Variants in METTL13 observed in about 807,000 individuals in gnomAD.
The protein encoded by METTL13 is methyltransferase 13, eEF1A N-terminus and K55.
In METTL13, 52 loss-of-function variants were observed where a neutral mutation model predicts 67.4. The ratio of observed to expected loss-of-function variants is 0.77; its 90% confidence interval spans 0.62 to 0.97. The LOEUF (loss-of-function observed/expected upper bound fraction) is 0.97, where lower values mean the gene tolerates loss of function less well. Among genes scored for constraint, METTL13 ranks in the 50% least tolerant of loss-of-function variants. The pLI, the probability that METTL13 is intolerant of heterozygous loss-of-function variation, is 0.00. For synonymous variants in METTL13, 354 were observed against 353.6 expected (o/e 1.00, Z -0.01); for missense variants, 825 against 889.6 (o/e 0.93, Z 0.92).
intron 6 of METTL13, 98 bp downstream of exon 6, chr1:171,792,333 C>A: frequency 1.5e-6 from 2 of 1,334,424 alleles, no homozygotes; most frequent in Non-Finnish European, 2.1e-6. Context: ...AAGAGAGTGG[C>A]ATGAGTATCG....
intron 7 of METTL13, among the ~76,000 whole-genome samples, chr1:171,795,943 A>G (rs1158669142): frequency 1.3e-5 from 2 of 152,154 alleles, no homozygotes; most frequent in Non-Finnish European, 2.9e-5. Flanking sequence ...CCTGGGTTCA[A>G]GAGATTCTCC....
At chr1:171,782,251 A>T (rs566225175) in intron 1 of METTL13, 131 bp downstream of exon 1, 1 of 793,438 alleles carries the variant, frequency 1.3e-6, no homozygotes, top group East Asian at 2.5e-5. Flanking sequence ...CATTTCCTGC[A>T]TTGTTCCTGC....
At chr1:171,790,255 GAGATTTGTAGGGGACAAACATCC>G (rs1278313622) in intron 4 of METTL13, among the ~76,000 whole-genome samples, 174 bp from the exon 5 acceptor site, 1 of 152,184 alleles carries the variant, frequency 6.6e-6, no homozygotes, top group Non-Finnish European at 1.5e-5. Flanking sequence ...ATTTCAACGT[GAGATTTGTAGGGGACAAACATCC>G]AGATGATTTC....
In METTL13 at chr1:171,787,929, A is replaced by C. The variant is rs776191727; in HGVS notation, c.1308A>C (p.Lys436Asn). 2.5e-6 allele frequency: 4 copies of C among 1,613,130 alleles called. No homozygotes were observed. The East Asian group carries it at 8.9e-5, about 36-fold the overall frequency. ...GGTTGCTGAAGGATGTGTCTCACAA[A>C]GGTGAGGTGTCATAGGCACAGTGGT... ...EARLLKDVSH[K>N]AQKKRKKDRK... The change falls in exon 4 of 8, where the codon AAA becomes AAC. Residue 436 changes from lysine to asparagine, a missense_variant and splice_region_variant. By Grantham distance (94) the Lys-to-Asn change is moderately conservative. Transcript: ENST00000361735.
In METTL13 at chr1:171,790,534, TG is replaced by T. The variant is rs1438764236; in HGVS notation, c.1393del (p.Asp465IlefsTer13). ...DLPAAPGQSI[D>X]KSYLCCEHHK... ...TCCCTGCAGCCCCGGGGCAGTCCAT[TG>T]ATAAGAGTTACCTGTGTTGTGAACA... On this transcript the variant is annotated frameshift_variant, in exon 5 of 8. Transcript: ENST00000361735. LOFTEE classifies it high-confidence loss of function. 1 of 1,612,656 alleles carries T rather than the reference TG, an allele frequency of 6.2e-7. No individual in the cohort carries two copies. Among genetic ancestry groups the T allele is most frequent in the Non-Finnish European group, 8.5e-7 (1 of 1,179,722 alleles).
chr1:171,783,502 CAA>C (rs1379986031), intron 1 of METTL13, among the ~76,000 whole-genome samples: 2 of 152,224 alleles, frequency 1.3e-5, no homozygotes. Context: ...TTCTGCAACA[CAA>C]AGCCCATTCT....
rs745312047 is a variant in METTL13, at chr1:171,787,935, G to T, written c.1309+5G>T. On this transcript the variant is annotated splice_donor_5th_base_variant and intron_variant, in intron 4 of 7. Transcript: ENST00000361735. Reference sequence around the variant, plus strand: ...TGAAGGATGTGTCTCACAAAGGTGAGGTGTCATAGGCACAGTGGTGGGACC... The same window carrying T: ...TGAAGGATGTGTCTCACAAAGGTGATGTGTCATAGGCACAGTGGTGGGACC... The T allele has an allele frequency of 6.2e-7, 1 of 1,612,804 alleles. No individual in the cohort carries two copies. The highest frequency in any genetic ancestry group is 1.7e-5 in the Admixed American group (1 of 60,008).
chr1:171,790,707 G>T, intron 5 of METTL13, 91 bp downstream of exon 5: 1 of 1,253,248 alleles, frequency 8.0e-7, no homozygotes, highest in Non-Finnish European at 1.1e-6. Context: ...TTGAAGAACA[G>T]CAATTACAAG....
Position 171,784,344 on chromosome 1 carries a change from C to A in METTL13, c.758C>A (p.Ala253Asp). 1 of 1,585,074 alleles carries A rather than the reference C, an allele frequency of 6.3e-7. No homozygotes were observed. The highest frequency in any genetic ancestry group is 1.2e-5 in the South Asian group (1 of 85,902). The change falls in exon 2 of 8, where the codon GCC (alanine) becomes GAC (aspartate). Residue 253 changes from alanine to aspartate, a missense_variant. Transcript: ENST00000361735. The part of the protein sequence containing the change: ...AEAVQERQQY[A>D]WLCSQLRRKA... ...GCGGTGCAGGAGCGACAGCAGTATG[C>A]CTGGCTGTGCAGCCAGCTGCGCCGC...
chr1:171,785,296 C>G (rs12034454), intron 2 of METTL13, among the ~76,000 whole-genome samples: 1 of 151,942 alleles, frequency 6.6e-6, no homozygotes, highest in Non-Finnish European at 1.5e-5. Flanking sequence ...CTTGGTGTTA[C>G]GGTAATTTGT....
chr1:171,782,214 A>C (rs781404232), intron 1 of METTL13, 94 bp downstream of exon 1: 7 of 1,082,292 alleles, frequency 6.5e-6, no homozygotes, highest in Non-Finnish European at 9.8e-6. Flanking sequence ...GACAGGCGGG[A>C]GGACCCTAGT....
At chr1:171,790,327 A>T in intron 4 of METTL13, 125 bp from the exon 5 acceptor site, 1 of 1,040,066 alleles carries the variant, frequency 9.6e-7, no homozygotes, top group Non-Finnish European at 1.3e-6. Flanking sequence ...GATGTCAACC[A>T]GTTTGCAAAA....
chr1:171,790,710 A>G (rs1571169192), intron 5 of METTL13, 94 bp downstream of exon 5: 2 of 1,266,646 alleles, frequency 1.6e-6, no homozygotes, highest in East Asian at 2.7e-5. Context: ...AAGAACAGCA[A>G]TTACAAGCTG....
At chr1:171,794,677 A>G in intron 7 of METTL13, 150 bp downstream of exon 7, 1 of 1,140,282 alleles carries the variant, frequency 8.8e-7, no homozygotes, top group Non-Finnish European at 1.2e-6. Context: ...GAAAATTTCC[A>G]GCTTGCCAGA....
In METTL13 at chr1:171,784,411, G is replaced by C; in HGVS notation, c.825G>C (p.Gly275=). ...GTGTGTCTCTGGACTTGTGCGATGGGGACACGGGGGAGCCACGCTACACCC... is the reference window on the plus strand; with the variant it reads ...GTGTGTCTCTGGACTTGTGCGATGGCGACACGGGGGAGCCACGCTACACCC... ...LGSVSLDLCD[G]DTGEPRYTLH... The change falls in exon 2 of 8, where the codon GGG becomes GGC. Residue 275 remains glycine (G), a synonymous_variant. Coordinates refer to ENST00000361735, the MANE Select transcript of METTL13 (RefSeq NM_015935.5). 1 of 1,543,654 alleles carries C rather than the reference G, an allele frequency of 6.5e-7. No individual in the cohort carries two copies. Among genetic ancestry groups the C allele is most frequent in the Non-Finnish European group, 8.7e-7 (1 of 1,146,732 alleles).
rs762043608 is a variant in METTL13 at position 171,792,118 on chromosome 1, G to A, written c.1576G>A (p.Asp526Asn). ...PKSCIDAVEI[D>N]PSMLEVATQW... ...GTCCTGCATTGATGCTGTGGAGATC[G>A]ATCCCTCCATGTTGGAAGTGGCCAC... Residue 526 changes from aspartate (D) to asparagine (N), a missense_variant, in exon 6 of 8, where the codon GAT (aspartate) becomes AAT (asparagine). Transcript: ENST00000361735. 1.3e-5 allele frequency: 21 copies of A among 1,613,890 alleles called. No homozygotes were observed. The highest frequency in any genetic ancestry group is 1.6e-5 in the Non-Finnish European group (19 of 1,179,978).
rs1338341746 is a variant in METTL13 at position 171,792,080 on chromosome 1, A to T, written c.1538A>T (p.Asp513Val). Residue 513 changes from aspartate to valine, a missense_variant, in exon 6 of 8, where the codon GAT becomes GTT. Asp to Val is a radical substitution (Grantham distance 152). Coordinates refer to ENST00000361735, the MANE Select transcript of METTL13 (RefSeq NM_015935.5). Reference protein sequence around the residue: ...GGGSLPLFVHDHFPKSCIDAV... With the variant: ...GGGSLPLFVHVHFPKSCIDAV... ...GGCAGCCTCCCCCTCTTTGTCCACG[A>T]TCATTTTCCAAAGTCCTGCATTGAT... is the stretch of plus-strand genomic sequence containing the variant. 6.2e-7 allele frequency: 1 copy of T among 1,613,740 alleles called. No individual in the cohort carries two copies. Among genetic ancestry groups the T allele is most frequent in the Non-Finnish European group, 8.5e-7 (1 of 1,180,034 alleles).
chr1:171,796,305 C>T (rs1001293292), intron 7 of METTL13, among the ~76,000 whole-genome samples, 177 bp from the exon 8 acceptor site: 1 of 152,200 alleles, frequency 6.6e-6, no homozygotes, highest in Non-Finnish European at 1.5e-5. Context: ...ACATGCTCCC[C>T]ATGCTTTTCT....
chr1:171,784,241 G>T lies in METTL13; in HGVS notation c.655G>T (p.Ala219Ser), dbSNP rs773923048. 8.1e-6 allele frequency: 13 copies of T among 1,614,068 alleles called. No homozygotes were observed. In the East Asian group the frequency reaches 2.9e-4, roughly 36 times the overall value. ...MTKFRPVPGS[A>S]LQIFELCAQE... The stretch of plus-strand genomic sequence containing the variant: ...CAAGTTCAGGCCAGTCCCTGGCTCT[G>T]CCCTTCAGATCTTTGAGCTGTGTGC... The change falls in exon 2 of 8, where the codon GCC becomes TCC. Residue 219 changes from alanine to serine, a missense_variant. Coordinates refer to ENST00000361735, the MANE Select transcript of METTL13 (RefSeq NM_015935.5).
Sources: allele counts gnomAD v4.1 joint callset (sites outside exome capture counted in the v4.1 genomes callset), GRCh38; gene constraint gnomAD v4.1.1; transcripts MANE v1.5; gene names NCBI Gene and HGNC (gene_info 2026-07-23, HGNC 2026-07-21).